The following PCDH10 variants were observed in gnomAD, a reference collection of about 807,000 sequenced individuals.
The protein encoded by PCDH10 is protocadherin-10.
In PCDH10, 15 loss-of-function variants were observed where a neutral mutation model predicts 74.4. The ratio of observed to expected loss-of-function variants is 0.20; its 90% CI spans 0.13 to 0.31. The LOEUF (loss-of-function observed/expected upper bound fraction) is 0.31, where lower values mean the gene tolerates loss of function less well. Ranked by LOEUF, PCDH10 falls within the 10% of genes least tolerant of loss-of-function variation. The pLI is 1.00. For synonymous variants in PCDH10, 619 were observed against 589.8 expected (o/e 1.05, Z -0.72); for missense variants, 1,260 against 1,390.2 (o/e 0.91, Z 1.49).
Position 133,150,780 on chromosome 4 carries a change from G to C in PCDH10, c.640G>C (p.Glu214Gln), listed in dbSNP as rs767146068. ...VDGGGGGGVG[E>Q]GGGGGGGAGL... Reference sequence around the variant, plus strand: ...CGGAGGAGGTGGGGGAGGAGTAGGAGAAGGAGGGGGAGGTGGCGGGGGAGC... The same window carrying C: ...CGGAGGAGGTGGGGGAGGAGTAGGACAAGGAGGGGGAGGTGGCGGGGGAGC... Residue 214 changes from glutamate to glutamine, a missense_variant, in exon 1 of 5, where the codon GAA becomes CAA. Around this residue, in one of 11 missense-constraint regions of PCDH10, gnomAD observed 192 missense variants for 161.2 expected, o/e 1.19. Transcript: ENST00000264360. The C allele has an allele frequency of 2.0e-6, 3 of 1,517,976 alleles. No homozygotes were observed. The highest frequency in any genetic ancestry group is 3.5e-5 in the Admixed American group (2 of 57,524). The allele number at this position is 1,517,976 out of a possible 1,614,324, so 94.0% of individuals were successfully genotyped here. A position where few individuals can be genotyped will look rare whatever the true frequency, so the allele number is the denominator to read the frequency against.
At chr4:133,183,267 A>G (rs1410859574) in intron 4 of PCDH10, among the ~76,000 whole-genome samples, 3 of 152,210 alleles carry the variant, frequency 2.0e-5, no homozygotes, top group East Asian at 3.9e-4. Context: ...AGTTGCAGTA[A>G]TCCACTGGAA....
chr4:133,162,760 A>G (rs976805424), intron 3 of PCDH10, among the ~76,000 whole-genome samples: 1 of 152,226 alleles, frequency 6.6e-6, no homozygotes, highest in African/African-American at 2.4e-5. Context: ...CTTTGCCAGA[A>G]GAGTCTTATC....
chr4:133,150,790 GA>G lies in PCDH10; in HGVS notation c.651del (p.Gly218ValfsTer52). ...GGGGGAGGAGTAGGAGAAGGAGGGG[GA>G]GGTGGCGGGGGAGCAGGCCTGCCCC... is the stretch of plus-strand genomic sequence containing the variant. ...GGGGGVGEGG[G>X]GGGGAGLPPQ... On this transcript the variant is annotated frameshift_variant, in exon 1 of 5. Coordinates refer to ENST00000264360, the MANE Select transcript of PCDH10 (RefSeq NM_032961.3). LOFTEE classifies it high-confidence loss of function. 2 of 1,581,796 alleles carry G rather than the reference GA, an allele frequency of 1.3e-6. No homozygotes were observed. The highest frequency in any genetic ancestry group is 1.3e-5 in the African/African-American group (1 of 74,394).
At chr4:133,188,523 C>G (rs192839688) in intron 4 of PCDH10, among the ~76,000 whole-genome samples, 1 of 151,890 alleles carries the variant, frequency 6.6e-6, no homozygotes, top group East Asian at 1.9e-4. Context: ...TATATTGTAT[C>G]GAATTCATTT....
chr4:133,162,116 G>C (rs1200595703), intron 3 of PCDH10, among the ~76,000 whole-genome samples: 10 of 152,026 alleles, frequency 6.6e-5, no homozygotes, highest in Non-Finnish European at 1.5e-4. Context: ...TTGAAATCTT[G>C]GTATTATAGG....
In PCDH10 at chr4:133,150,107, T is replaced by C. The variant is rs748875177; in HGVS notation, c.-34T>C. 1 of 1,470,338 alleles carries C rather than the reference T, an allele frequency of 6.8e-7. No homozygotes were observed. Among genetic ancestry groups the C allele is most frequent in the South Asian group, 1.5e-5 (1 of 65,738 alleles). 91.1% of individuals were successfully genotyped at this position (1,470,338 alleles called of 1,614,324 possible). Reference sequence around the variant, plus strand: ...TGGGGGAGGTGATTGGGTGGCTGACTGGCTGCGGGAAGCTACTTCCTTTCC... The same window carrying C: ...TGGGGGAGGTGATTGGGTGGCTGACCGGCTGCGGGAAGCTACTTCCTTTCC... On this transcript the variant is annotated 5_prime_UTR_variant, in exon 1 of 5. Transcript: ENST00000264360.
rs117158490 is a variant in PCDH10, at chr4:133,157,661, T to C, written c.2797+2638T>C. Among the ~76,000 whole-genome samples, 7 of 152,342 alleles carry C rather than the reference T, an allele frequency of 4.6e-5. No homozygotes were observed. In the East Asian group the frequency reaches 1.3e-3, roughly 29 times the overall value. The stretch of plus-strand genomic sequence containing the variant: ...TCAGTTTGTACCATATTCCACACTA[T>C]AGTGTACAGACTATTTAGCTTAGTG... On this transcript the variant is annotated intron_variant, in intron 3 of 4. Coordinates refer to ENST00000264360, the MANE Select transcript of PCDH10 (RefSeq NM_032961.3).
At chr4:133,160,665 AT>A (rs1726951089) in intron 3 of PCDH10, among the ~76,000 whole-genome samples, 1 of 150,664 alleles carries the variant, frequency 6.6e-6, no homozygotes, top group Non-Finnish European at 1.5e-5. Context: ...GAATCGTCAT[AT>A]TCACAATTAG....
intron 2 of PCDH10, among the ~76,000 whole-genome samples, chr4:133,201,293 T>C (rs1727905141): frequency 6.6e-6 from 1 of 152,174 alleles, no homozygotes; most frequent in South Asian, 2.1e-4. Context: ...AATTACCTAC[T>C]ATTCACCCCA....
chr4:133,184,221 C>A (rs1307590498), intron 4 of PCDH10, among the ~76,000 whole-genome samples: 2 of 151,862 alleles, frequency 1.3e-5, no homozygotes, highest in Non-Finnish European at 2.9e-5. Flanking sequence ...TTCTATAATC[C>A]CTTATCCCTG....
chr4:133,204,115 C>G (rs896682630), intron 2 of PCDH10, among the ~76,000 whole-genome samples: 9 of 152,038 alleles, frequency 5.9e-5, no homozygotes, highest in Non-Finnish European at 1.3e-4. Flanking sequence ...ACCTTTATAC[C>G]CCTGGGAGTC....
At chr4:133,161,895 C>T (rs1311060260) in intron 3 of PCDH10, among the ~76,000 whole-genome samples, 1 of 151,972 alleles carries the variant, frequency 6.6e-6, no homozygotes, top group African/African-American at 2.4e-5. Flanking sequence ...AGATATGTTA[C>T]TATGTTTAGA....
chr4:133,174,227 G>A (rs1318773225), intron 4 of PCDH10, among the ~76,000 whole-genome samples: 1 of 151,834 alleles, frequency 6.6e-6, no homozygotes, highest in Non-Finnish European at 1.5e-5. Context: ...AAACCCAGAA[G>A]TAATACATGC....
At chr4:133,181,737 A>G (rs1342210922) in intron 4 of PCDH10, among the ~76,000 whole-genome samples, 2 of 151,830 alleles carry the variant, frequency 1.3e-5, no homozygotes, top group Non-Finnish European at 2.9e-5. Context: ...CTGCTTTTAA[A>G]CTTCTGTTTG....
At position 133,152,584 on chromosome 4, in the gene PCDH10, A is replaced by G. The variant is rs775227729; in HGVS notation, c.2444A>G (p.His815Arg). 1 of 1,614,132 alleles carries G rather than the reference A, an allele frequency of 6.2e-7. No homozygotes were observed. The highest frequency in any genetic ancestry group is 1.1e-5 in the South Asian group (1 of 91,070). The change falls in exon 1 of 5, where the codon CAC becomes CGC. Residue 815 changes from histidine to arginine, a missense_variant. Physicochemically the swap from His to Arg is conservative, Grantham distance 29 (BLOSUM62 0). Coordinates refer to ENST00000264360, the MANE Select transcript of PCDH10 (RefSeq NM_032961.3). ...TCCGGGGGCTTTGGCTCCCACCACC[A>G]CAACCAGAATTACTGCTATCAGGTA... ...EESGGFGSHHHNQNYCYQVCL... is the reference protein window; with the variant it reads ...EESGGFGSHHRNQNYCYQVCL...
intron 4 of PCDH10, among the ~76,000 whole-genome samples, chr4:133,185,628 T>C (rs1159502217): frequency 1.3e-5 from 2 of 152,096 alleles, no homozygotes; most frequent in East Asian, 1.9e-4. Context: ...TGTAAAGAAG[T>C]GTCCTGATGA....
chr4:133,152,664 C>T lies in PCDH10; in HGVS notation c.2524C>T (p.Pro842Ser). 6.2e-7 allele frequency: 1 copy of T among 1,614,198 alleles called. No individual in the cohort carries two copies. Among genetic ancestry groups the T allele is most frequent in the Non-Finnish European group, 8.5e-7 (1 of 1,180,038 alleles). The change falls in exon 1 of 5, where the codon CCT becomes TCT. Residue 842 changes from proline (P) to serine (S), a missense_variant. This residue lies in a region of PCDH10 where 587 missense variants were observed against 616.9 expected (regional missense o/e 0.95). Coordinates refer to ENST00000264360, the MANE Select transcript of PCDH10 (RefSeq NM_032961.3). ...TDLMFLKPCSPSRSTDTEHNP... is the reference protein window; with the variant it reads ...TDLMFLKPCSSSRSTDTEHNP... ...CCTGATGTTTCTTAAGCCCTGCAGC[C>T]CTTCGCGGAGTACGGACACTGAGCA...
At chr4:133,205,196 A>G (rs1727978045) in intron 2 of PCDH10, among the ~76,000 whole-genome samples, 1 of 152,178 alleles carries the variant, frequency 6.6e-6, no homozygotes, top group African/African-American at 2.4e-5. Context: ...ACGCCAACAC[A>G]TAACAATGGG....
At chr4:133,175,083 A>T (rs548782233) in intron 4 of PCDH10, among the ~76,000 whole-genome samples, 1 of 151,952 alleles carries the variant, frequency 6.6e-6, no homozygotes, top group Non-Finnish European at 1.5e-5. Context: ...ATATAGAGAA[A>T]GATTACCTTT....
Sources: gnomAD v4.1 joint callset for allele counts (sites outside exome capture counted in the v4.1 genomes callset) on GRCh38, gnomAD v4.1.1 for gene constraint, gnomAD v4.1.1 regional missense constraint, MANE v1.5 for transcripts, NCBI Gene and HGNC (gene_info 2026-07-23, HGNC 2026-07-21) for gene names.